Variants in DNM1L observed in about 807,000 individuals in gnomAD.
DNM1L encodes the protein dynamin 1L.
DNM1L carries 33 observed loss-of-function variants against 92.8 expected under a neutral mutation model. That is an observed-to-expected ratio of 0.36 (90% CI 0.27 to 0.48). DNM1L has a LOEUF of 0.48. Among genes scored for constraint, DNM1L ranks in the 20% least tolerant of loss-of-function variants. DNM1L has a pLI of 0.99. For missense variants in DNM1L, 485 were observed against 888.8 expected (o/e 0.55, Z 5.78); for synonymous variants, 284 against 305.0 (o/e 0.93, Z 0.72).
chr12:32,679,855 C>T (rs1166064574), intron 1 of DNM1L: 1 of 996,600 alleles, frequency 1.0e-6, no homozygotes, highest in Non-Finnish European at 1.2e-6. Context: ...TCGGGTCTCG[C>T]TGGGCTCGGT....
At chr12:32,705,901 C>G (rs182737423) in intron 2 of DNM1L, 1 of 1,577,296 alleles carries the variant, frequency 6.3e-7, no homozygotes, top group Non-Finnish European at 8.6e-7. Context: ...CTTTTTTTCT[C>G]TTATGCCTGC....
Position 32,722,578 on chromosome 12 carries a change from A to G in DNM1L, c.1024A>G (p.Thr342Ala). The change falls in exon 9 of 20, where the codon ACA (threonine) becomes GCA (alanine). Residue 342 changes from threonine to alanine, a missense_variant. Transcript: ENST00000549701. The stretch of plus-strand genomic sequence containing the variant: ...ACTCCAACTTATTACCAAATTTGCC[A>G]CAGAATATTGTAACACTATTGAAGG... The part of the protein sequence containing the change: ...TLLQLITKFA[T>A]EYCNTIEGTA... The G allele has an allele frequency of 1.9e-6, 3 of 1,613,402 alleles. No homozygotes were observed. Among genetic ancestry groups the G allele is most frequent in the Non-Finnish European group, 2.5e-6 (3 of 1,179,970 alleles).
chr12:32,680,933 T>C (rs1052952147), intron 1 of DNM1L, among the ~76,000 whole-genome samples: 1 of 152,226 alleles, frequency 6.6e-6, no homozygotes, highest in Admixed American at 6.5e-5. Context: ...CACATACTTT[T>C]AAAAGAGAGT....
chr12:32,726,362 G>A, intron 9 of DNM1L: 1 of 1,569,656 alleles, frequency 6.4e-7, no homozygotes, highest in Non-Finnish European at 8.7e-7. Flanking sequence ...TTATCCTCAA[G>A]GCCACATATA....
At chr12:32,703,930 CCT>C (rs1952815210) in intron 2 of DNM1L, among the ~76,000 whole-genome samples, 1 of 152,108 alleles carries the variant, frequency 6.6e-6, no homozygotes, top group Non-Finnish European at 1.5e-5. Context: ...CAGCTTGCCC[CCT>C]ACTTCTGCCC....
At chr12:32,687,176 A>G (rs80083169) in intron 1 of DNM1L, among the ~76,000 whole-genome samples, 3,086 of 145,212 alleles carry the variant, frequency 0.021, 103 homozygotes, top group African/African-American at 0.076. Flanking sequence ...TTATTGCTTT[A>G]TGGTGTCATA....
intron 6 of DNM1L, among the ~76,000 whole-genome samples, chr12:32,715,104 T>TC (rs1953304636): frequency 6.6e-6 from 1 of 151,482 alleles, no homozygotes; most frequent in Non-Finnish European, 1.5e-5. Context: ...TTTTTTTTTT[T>TC]TTTTTGGATG....
chr12:32,706,671 A>C (rs760402422), intron 2 of DNM1L: 45 of 455,124 alleles, frequency 9.9e-5, no homozygotes, highest in East Asian at 3.5e-4. Flanking sequence ...CTTCCATTTT[A>C]TTTCTTTCCT....
At chr12:32,704,513 G>A (rs1952843383) in intron 2 of DNM1L, among the ~76,000 whole-genome samples, 1 of 149,656 alleles carries the variant, frequency 6.7e-6, no homozygotes, top group Non-Finnish European at 1.5e-5. Flanking sequence ...TCGAGCCATT[G>A]CACTCCAGCC....
Position 32,705,919 on chromosome 12 carries a change from C to T in DNM1L, c.251-1448C>T, listed in dbSNP as rs975764434. On this transcript the variant is annotated intron_variant, in intron 2 of 19. Transcript: ENST00000549701. ...TTTTTCTCTTATGCCTGCATGTGTG[C>T]TTATGTACTATTACAGGCTGTGTGT... 4.7e-6 allele frequency: 7 copies of T among 1,495,052 alleles called. No homozygotes were observed. In the African/African-American group the frequency reaches 9.7e-5, roughly 21 times the overall value. 92.6% of individuals were successfully genotyped at this position (1,495,052 alleles called of 1,614,324 possible).
At chr12:32,712,165 C>T (rs1252407589) in intron 5 of DNM1L, among the ~76,000 whole-genome samples, 7 of 152,148 alleles carry the variant, frequency 4.6e-5, no homozygotes, top group South Asian at 2.1e-4. Context: ...AGTGAAAATT[C>T]GATTGTGTCA....
rs1236681003 is a variant in DNM1L at position 32,701,291 on chromosome 12, AT to A, written c.103-123del. 242 of 848,204 alleles carry A rather than the reference AT, an allele frequency of 2.9e-4. No individual in the cohort carries two copies. In the African/African-American group the frequency reaches 3.1e-3, roughly 11 times the overall value. The allele number at this position is 848,204 out of a possible 1,614,324, so 52.5% of individuals were successfully genotyped here. Reference sequence around the variant, plus strand: ...AACTCCGTCTCAAAAAAAAAAAAAAATAGTCTCTGCACTAATTTTTCCTTTA... The same window carrying A: ...AACTCCGTCTCAAAAAAAAAAAAAAAAGTCTCTGCACTAATTTTTCCTTTA... On this transcript the variant is annotated intron_variant, in intron 1 of 19. Coordinates refer to ENST00000549701, the MANE Select transcript of DNM1L (RefSeq NM_012062.5).
intron 6 of DNM1L, among the ~76,000 whole-genome samples, chr12:32,718,044 CTATA>C (rs1255353479): frequency 1.7e-5 from 2 of 117,172 alleles, no homozygotes; most frequent in Admixed American, 1.0e-4. Flanking sequence ...ACTATACATA[CTATA>C]TATACTATAC....
chr12:32,733,661 AG>A, intron 12 of DNM1L, 53 bp from the exon 13 acceptor site: 1 of 1,462,106 alleles, frequency 6.8e-7, no homozygotes, highest in Non-Finnish European at 9.6e-7. Flanking sequence ...AATTTCTCAA[AG>A]TAAAATATGG....
At chr12:32,689,227 C>T (rs976663858) in intron 1 of DNM1L, among the ~76,000 whole-genome samples, 7 of 152,028 alleles carry the variant, frequency 4.6e-5, no homozygotes, top group South Asian at 2.1e-4. Flanking sequence ...GGCAGAGTTT[C>T]GCTCTCGTTG....
chr12:32,738,780 C>A (rs191657003), intron 16 of DNM1L, among the ~76,000 whole-genome samples: 79 of 152,168 alleles, frequency 5.2e-4, no homozygotes, highest in Non-Finnish European at 1.1e-3. Flanking sequence ...TTCTTGATAA[C>A]CATTTTAGAG....
intron 9 of DNM1L, 28 bp from the exon 10 acceptor site, chr12:32,730,986 A>G (rs918009817): frequency 2.3e-5 from 37 of 1,613,318 alleles, no homozygotes; most frequent in Non-Finnish European, 3.1e-5. Context: ...TTGCAATGCC[A>G]GAAACCATAT....
chr12:32,726,908 T>C (rs1402907913), intron 9 of DNM1L: 5 of 684,820 alleles, frequency 7.3e-6, no homozygotes, highest in African/African-American at 1.8e-5. Flanking sequence ...TGGGTTCAAA[T>C]TGAAATTCTA....
At chr12:32,700,375 C>T (rs1358240766) in intron 1 of DNM1L, among the ~76,000 whole-genome samples, 1 of 152,154 alleles carries the variant, frequency 6.6e-6, no homozygotes, top group Admixed American at 6.5e-5. Context: ...CCGCCTCAGC[C>T]TCCCAAAGTG....
Sources: gnomAD v4.1 joint callset for allele counts (sites outside exome capture counted in the v4.1 genomes callset) on GRCh38, gnomAD v4.1.1 for gene constraint, MANE v1.5 for transcripts, NCBI Gene and HGNC (gene_info 2026-07-23, HGNC 2026-07-21) for gene names.